RAB11FIP3: variants seen among roughly 807,000 people sequenced by gnomAD.
RAB11FIP3 encodes the protein rab11 family-interacting protein 3.
In RAB11FIP3, 17 loss-of-function variants were observed where a neutral mutation model predicts 77.8. The observed-to-expected ratio is 0.22, with a 90% CI of 0.15 to 0.33. The LOEUF (loss-of-function observed/expected upper bound fraction) is 0.33, where lower values mean the gene tolerates loss of function less well. Among genes scored for constraint, RAB11FIP3 ranks in the 10% least tolerant of loss-of-function variants. The pLI is 1.00. For missense variants in RAB11FIP3, 1,005 were observed against 1,011.2 expected, an observed-to-expected ratio of 0.99 and a Z score of 0.08; for synonymous variants, 437 against 448.2, an observed-to-expected ratio of 0.98 and a Z score of 0.31.
chr16:460,034 C>T (rs779525180), intron 1 of RAB11FIP3, among the ~76,000 whole-genome samples: 14 of 152,000 alleles, frequency 9.2e-5, no homozygotes, highest in Non-Finnish European at 1.9e-4. Flanking sequence ...TGCGCCACCA[C>T]GCCTGGCTGA....
At chr16:490,584 A>G (rs1025476147) in intron 5 of RAB11FIP3, among the ~76,000 whole-genome samples, 3 of 152,188 alleles carry the variant, frequency 2.0e-5, no homozygotes, top group African/African-American at 7.2e-5. Flanking sequence ...CGATCCACCC[A>G]AAGTGCTGGA....
At position 520,498 on chromosome 16, in the gene RAB11FIP3, G is replaced by A. The variant is rs757245776; in HGVS notation, c.2056G>A (p.Gly686Arg). 2 of 1,613,676 alleles carry A rather than the reference G, an allele frequency of 1.2e-6. No individual in the cohort carries two copies. The highest frequency in any genetic ancestry group is 1.7e-6 in the Non-Finnish European group (2 of 1,180,030). The change falls in exon 13 of 14, where the codon GGG becomes AGG. Residue 686 changes from glycine to arginine, a missense_variant. Physicochemically the swap from Gly to Arg is moderately radical, Grantham distance 125. Around this residue, in one of 4 missense-constraint regions of RAB11FIP3, gnomAD observed 90 missense variants for 129.7 expected, o/e 0.69. Transcript: ENST00000262305. Reference protein sequence around the residue: ...NLKEQNEELNGQIITLSIQGA... With the variant: ...NLKEQNEELNRQIITLSIQGA... ...GAAGGAGCAGAACGAGGAGCTGAAC[G>A]GGCAGATCATTACCCTCAGCATCCA...
intron 5 of RAB11FIP3, among the ~76,000 whole-genome samples, chr16:494,440 G>A (rs2030915692): frequency 6.6e-6 from 1 of 151,516 alleles, no homozygotes; most frequent in Non-Finnish European, 1.5e-5. Context: ...GGCTAACACG[G>A]TGAAACCCCA....
intron 3 of RAB11FIP3, among the ~76,000 whole-genome samples, chr16:476,527 C>T (rs1401968173): frequency 1.3e-5 from 2 of 152,170 alleles, no homozygotes; most frequent in African/African-American, 2.4e-5. Flanking sequence ...TTCTTAGAAA[C>T]ATCATGCTTT....
At chr16:462,640 C>G (rs564789496) in intron 2 of RAB11FIP3, among the ~76,000 whole-genome samples, 7 of 145,890 alleles carry the variant, frequency 4.8e-5, no homozygotes, top group African/African-American at 1.6e-4. Context: ...CATCCCTTCC[C>G]CAGCACCATC....
chr16:487,964 C>T (rs1468707517), intron 4 of RAB11FIP3, among the ~76,000 whole-genome samples: 10 of 152,170 alleles, frequency 6.6e-5, no homozygotes, highest in South Asian at 2.1e-4. Flanking sequence ...TGCTTTGTGT[C>T]GACCTGTGCT....
intron 1 of RAB11FIP3, among the ~76,000 whole-genome samples, chr16:439,884 G>A (rs546962554): frequency 1.3e-5 from 2 of 151,248 alleles, no homozygotes; most frequent in African/African-American, 4.9e-5. Context: ...TCGCTCTGTT[G>A]CCCAGCTGGA....
chr16:490,568 C>T (rs771165629), intron 5 of RAB11FIP3, among the ~76,000 whole-genome samples: 1 of 152,206 alleles, frequency 6.6e-6, no homozygotes, highest in African/African-American at 2.4e-5. Flanking sequence ...AACGCCTGAG[C>T]TCAAGCGATC....
chr16:478,989 GA>G (rs1201511292), intron 3 of RAB11FIP3, among the ~76,000 whole-genome samples: 1 of 150,852 alleles, frequency 6.6e-6, no homozygotes, highest in Non-Finnish European at 1.5e-5. Context: ...ATTAGAAAAA[GA>G]AAAAAAAAGT....
chr16:509,751 C>G (rs893280492), intron 8 of RAB11FIP3, among the ~76,000 whole-genome samples: 1 of 145,404 alleles, frequency 6.9e-6, no homozygotes, highest in Admixed American at 6.9e-5. Flanking sequence ...GCAGAGTGGG[C>G]CCCCCCCCCA....
intron 1 of RAB11FIP3, among the ~76,000 whole-genome samples, chr16:433,352 C>G (rs973609475): frequency 1.3e-5 from 2 of 148,604 alleles, no homozygotes; most frequent in Non-Finnish European, 1.5e-5. Flanking sequence ...ATTAACCGTG[C>G]TCTTTACCCT....
intron 1 of RAB11FIP3, among the ~76,000 whole-genome samples, chr16:455,472 CAAA>C (rs761319817): frequency 1.2e-4 from 14 of 113,350 alleles, no homozygotes; most frequent in Admixed American, 9.6e-5. Context: ...GACTCTGTCT[CAAA>C]AAAAAAAAAA....
At chr16:440,634 G>C (rs2141859787) in intron 1 of RAB11FIP3, among the ~76,000 whole-genome samples, 1 of 152,348 alleles carries the variant, frequency 6.6e-6, no homozygotes, top group Non-Finnish European at 1.5e-5. Context: ...TGTTTCTTAG[G>C]TCAGTGATGC....
rs148677091 is a variant in RAB11FIP3 at position 484,850 on chromosome 16, G to A, written c.1115+2114G>A. 1.7e-3 allele frequency among the ~76,000 whole-genome samples: 265 copies of A among 152,240 alleles called. 1 individual carries two copies. Among genetic ancestry groups the A allele is most frequent in the Non-Finnish European group, 2.8e-3 (188 of 68,006 alleles). On this transcript the variant is annotated intron_variant, in intron 4 of 13. Transcript: ENST00000262305. ...TACGGCCCTAAGCAGGATGGTCATC[G>A]GGAGCACGTCCCTTCAGCCTTGCAA...
Position 471,790 on chromosome 16 carries a change from T to C in RAB11FIP3, c.903+401T>C, listed in dbSNP as rs928700005. Among the ~76,000 whole-genome samples the C allele has an allele frequency of 6.6e-6, 1 of 152,160 alleles. No individual in the cohort carries two copies. The highest frequency in any genetic ancestry group is 1.5e-5 in the Non-Finnish European group (1 of 68,024). ...CCTGCTTGGCTGTCCTCCACCCTGC[T>C]CCCAGATGCAGCCAGGGTTGTCATG... is the stretch of plus-strand genomic sequence containing the variant. On this transcript the variant is annotated intron_variant, in intron 3 of 13. Coordinates refer to ENST00000262305, the MANE Select transcript of RAB11FIP3 (RefSeq NM_014700.4). The surrounding 1 kb of genome is among the most constrained non-coding windows in gnomAD (Gnocchi z 4.4).
intron 1 of RAB11FIP3, among the ~76,000 whole-genome samples, chr16:458,490 TTCACC>T (rs2141637851): frequency 1.6e-4 from 22 of 134,922 alleles, no homozygotes; most frequent in East Asian, 7.4e-4. Flanking sequence ...CTTCCTCGGG[TTCACC>T]GATGCCCACA....
rs2032554606 is a variant in RAB11FIP3 at position 519,129 on chromosome 16, C to T, written c.1722+105C>T. 26 of 1,266,570 alleles carry T rather than the reference C, an allele frequency of 2.1e-5. No individual in the cohort carries two copies. In the South Asian group the frequency reaches 2.9e-4, roughly 14 times the overall value. 78.5% of individuals were successfully genotyped at this position (1,266,570 alleles called of 1,614,324 possible). On this transcript the variant is annotated intron_variant, in intron 10 of 13. Coordinates refer to ENST00000262305, the MANE Select transcript of RAB11FIP3 (RefSeq NM_014700.4). ...GCTCTGTGCTGAGCGGGATACTGTG[C>T]TGTGTGTGAGGGAACGGGGCCAGCT...
At position 522,145 on chromosome 16, in the gene RAB11FIP3, GGAGGA is replaced by G. The variant is rs2032726886; in HGVS notation, c.*1310_*1314del. ...CTTGGGTGTAAATCAGTGTAAACTT[GGAGGA>G]GAGATTTTTCTATCATGTAGAGTAG... On this transcript the variant is annotated 3_prime_UTR_variant, in exon 14 of 14. Coordinates refer to ENST00000262305, the MANE Select transcript of RAB11FIP3 (RefSeq NM_014700.4). 1 of 151,658 alleles carries G rather than the reference GGAGGA, an allele frequency of 6.6e-6. No individual in the cohort carries two copies. The highest frequency in any genetic ancestry group is 1.5e-5 in the Non-Finnish European group (1 of 67,984). 9.4% of individuals were successfully genotyped at this position (151,658 alleles called of 1,614,324 possible). A position where few individuals can be genotyped will look rare whatever the true frequency, so the allele number is the denominator to read the frequency against.
intron 1 of RAB11FIP3, among the ~76,000 whole-genome samples, chr16:451,956 C>G (rs903300320): frequency 3.3e-5 from 5 of 152,148 alleles, no homozygotes; most frequent in Non-Finnish European, 7.4e-5. Context: ...GGAGACCAGC[C>G]TGGCTAAGAT....
Sources: allele counts gnomAD v4.1 joint callset (sites outside exome capture counted in the v4.1 genomes callset), GRCh38; gene constraint gnomAD v4.1.1; regional missense constraint gnomAD v4.1.1; non-coding constraint Gnocchi (gnomAD v3.1); transcripts MANE v1.5; gene names NCBI Gene and HGNC (gene_info 2026-07-23, HGNC 2026-07-21).